Variants in EYA4 observed in about 807,000 individuals in gnomAD.
The protein encoded by EYA4 is EYA transcriptional coactivator and phosphatase 4.
Under a neutral mutation model 87.9 loss-of-function variants are expected in EYA4, and 31 were observed. That is an observed-to-expected ratio of 0.35 (90% CI 0.27 to 0.48). The LOEUF (loss-of-function observed/expected upper bound fraction) is 0.48. Ranked by LOEUF, EYA4 falls within the 20% of genes least tolerant of loss-of-function variation. The probability of loss-of-function intolerance (pLI) is 0.99; values close to 1 mark genes in which losing one functional copy is unlikely to be tolerated. For synonymous variants in EYA4, 263 were observed against 270.6 expected (o/e 0.97, Z 0.28); for missense variants, 678 against 761.4 (o/e 0.89, Z 1.29).
chr6:133,337,844 C>T (rs1019048939), intron 2 of EYA4, among the ~76,000 whole-genome samples: 3 of 152,252 alleles, frequency 2.0e-5, no homozygotes, highest in Middle Eastern at 6.8e-3. Context: ...CAAACTGAGA[C>T]TCAGACCACA....
chr6:133,481,748 A>G (rs906777214), intron 12 of EYA4, 149 bp downstream of exon 12: 11 of 809,340 alleles, frequency 1.4e-5, no homozygotes, highest in Middle Eastern at 3.5e-4. Context: ...GGCATTTTAC[A>G]ACTCTGAAGT....
Position 133,273,205 on chromosome 6 carries a change from G to A in EYA4, c.-65-1511G>A, listed in dbSNP as rs534606079. ...GCTGAGGAGCAAGGAGAGCCAGTCC[G>A]ATTCCCCAAACTGAAGCACTTGGAG... On this transcript the variant is annotated intron_variant, in intron 1 of 19. Transcript: ENST00000355286. 2.1e-4 allele frequency among the ~76,000 whole-genome samples: 32 copies of A among 151,716 alleles called. No homozygotes were observed. In the South Asian group the frequency reaches 3.1e-3, roughly 15 times the overall value.
chr6:133,524,522 T>A (rs1800458826), intron 18 of EYA4, among the ~76,000 whole-genome samples: 1 of 152,166 alleles, frequency 6.6e-6, no homozygotes, highest in Non-Finnish European at 1.5e-5. Flanking sequence ...TGTGGCCCAG[T>A]CAGACAGCAC....
intron 3 of EYA4, among the ~76,000 whole-genome samples, chr6:133,411,795 T>A (rs1789263988): frequency 6.6e-6 from 1 of 152,264 alleles, no homozygotes; most frequent in Admixed American, 6.5e-5. Flanking sequence ...ATTCATTGAA[T>A]ATATTTGTGC....
intron 2 of EYA4, among the ~76,000 whole-genome samples, chr6:133,333,045 G>A (rs951181206): frequency 1.3e-5 from 2 of 151,954 alleles, no homozygotes; most frequent in African/African-American, 4.8e-5. Context: ...GACATCCATT[G>A]ATTCTTTCAA....
chr6:133,267,835 G>C (rs1776352849), intron 1 of EYA4, among the ~76,000 whole-genome samples: 1 of 151,856 alleles, frequency 6.6e-6, no homozygotes, highest in African/African-American at 2.4e-5. Context: ...GTTTTTTTGG[G>C]GAAAGGTTAC....
chr6:133,244,135 A>G (rs1306256465), intron 1 of EYA4, among the ~76,000 whole-genome samples: 6 of 152,220 alleles, frequency 3.9e-5, no homozygotes, highest in Admixed American at 3.9e-4. Flanking sequence ...CTTGTCTTTC[A>G]TAATAAGTAA....
At chr6:133,275,213 A>G (rs1237264181) in intron 2 of EYA4, among the ~76,000 whole-genome samples, 4 of 152,328 alleles carry the variant, frequency 2.6e-5, no homozygotes, top group South Asian at 4.1e-4. Context: ...TTTAAGGAGG[A>G]AAGAAACCAT....
chr6:133,495,273 A>G (rs572937852), intron 13 of EYA4, among the ~76,000 whole-genome samples: 47 of 151,972 alleles, frequency 3.1e-4, no homozygotes, highest in African/African-American at 1.0e-3. Flanking sequence ...TGTCTCAAAA[A>G]AAAGAAAAAA....
intron 3 of EYA4, among the ~76,000 whole-genome samples, chr6:133,407,214 T>C (rs776311072): frequency 6.6e-6 from 1 of 151,790 alleles, no homozygotes; most frequent in African/African-American, 2.4e-5. Context: ...TATCACATAG[T>C]TTTATCAACC....
At chr6:133,505,127 C>T (rs185446468) in intron 13 of EYA4, among the ~76,000 whole-genome samples, 20 of 152,284 alleles carry the variant, frequency 1.3e-4, no homozygotes, top group East Asian at 7.7e-4. Flanking sequence ...CTCTTATCTT[C>T]GGAGTTGCAC....
At position 133,468,625 on chromosome 6, in the gene EYA4, A is replaced by G; in HGVS notation, c.864A>G (p.Ser288=). ...AGTATGCACAGTATTATTCAGCATC[A>G]ACGTATGGAGCGTATATGACATCGA... is the stretch of plus-strand genomic sequence containing the variant. ...QNQYAQYYSA[S]TYGAYMTSNN... The change falls in exon 11 of 20, where the codon TCA becomes TCG. Residue 288 remains serine, a synonymous_variant. Coordinates refer to ENST00000355286, the MANE Select transcript of EYA4 (RefSeq NM_004100.5). 1 of 1,612,856 alleles carries G rather than the reference A, an allele frequency of 6.2e-7. No homozygotes were observed. The highest frequency in any genetic ancestry group is 2.2e-5 in the East Asian group (1 of 44,850).
intron 13 of EYA4, among the ~76,000 whole-genome samples, chr6:133,496,941 C>T (rs920167267): frequency 6.6e-6 from 1 of 152,172 alleles, no homozygotes; most frequent in Non-Finnish European, 1.5e-5. Context: ...CCTATGAAGA[C>T]CAGAGATGTC....
chr6:133,249,723 C>T (rs1774731233), intron 1 of EYA4, among the ~76,000 whole-genome samples: 1 of 152,196 alleles, frequency 6.6e-6, no homozygotes. Context: ...TTTTCTACTG[C>T]TTTTTCAATA....
intron 3 of EYA4, among the ~76,000 whole-genome samples, chr6:133,416,981 G>A (rs572664264): frequency 2.0e-5 from 3 of 152,342 alleles, no homozygotes; most frequent in East Asian, 1.9e-4. Flanking sequence ...CCCATGTGAA[G>A]GAGAGCAAAG....
At chr6:133,397,144 G>A (rs150965136) in intron 3 of EYA4, among the ~76,000 whole-genome samples, 4 of 152,310 alleles carry the variant, frequency 2.6e-5, no homozygotes, top group African/African-American at 9.6e-5. Flanking sequence ...TGGCTGCCCA[G>A]ATACTTAACA....
At chr6:133,315,308 T>C (rs2128340309) in intron 2 of EYA4, among the ~76,000 whole-genome samples, 1 of 152,316 alleles carries the variant, frequency 6.6e-6, no homozygotes, top group East Asian at 1.9e-4. Flanking sequence ...ACTCATCAAG[T>C]GTTAAAACTC....
At chr6:133,351,017 A>G (rs1317445019) in intron 2 of EYA4, among the ~76,000 whole-genome samples, 1 of 151,174 alleles carries the variant, frequency 6.6e-6, no homozygotes, top group South Asian at 2.1e-4. Flanking sequence ...ATGACAAGTA[A>G]CATTTTAGGA....
chr6:133,452,723 C>G lies in EYA4; in HGVS notation c.278-3833C>G, dbSNP rs1399177076. On this transcript the variant is annotated intron_variant, in intron 5 of 19. Transcript: ENST00000355286. ...GTTTATTTATTTTTACCATTTGACT[C>G]TATCAGAAACATCCAAATTGCAAGT... is the stretch of plus-strand genomic sequence containing the variant. 7 of 152,162 alleles carry G rather than the reference C, an allele frequency of 4.6e-5. No homozygotes were observed. The East Asian group carries it at 7.7e-4, about 17-fold the overall frequency. The allele number at this position is 152,162 out of a possible 1,614,324, so 9.4% of individuals were successfully genotyped here.
Sources: allele counts gnomAD v4.1 joint callset (sites outside exome capture counted in the v4.1 genomes callset), GRCh38; gene constraint gnomAD v4.1.1; transcripts MANE v1.5; gene names NCBI Gene and HGNC (gene_info 2026-07-23, HGNC 2026-07-21).